Variants in GBP2 observed in about 807,000 individuals in gnomAD.
The protein encoded by GBP2 is guanylate binding protein 2, also known as guanylate-binding protein 2.
GBP2 carries 54 observed loss-of-function variants against 60.8 expected under a neutral mutation model. The observed-to-expected ratio is 0.89, with a 90% confidence interval of 0.71 to 1.11. GBP2 has a LOEUF of 1.11. GBP2 is among the 50% of genes most tolerant of loss of function. The probability of loss-of-function intolerance (pLI) is 0.00; values close to 1 mark genes in which losing one functional copy is unlikely to be tolerated. For missense variants in GBP2, 665 were observed against 703.3 expected (o/e 0.95, Z 0.62); for synonymous variants, 243 against 256.5 (o/e 0.95, Z 0.50).
chr1:89,115,156 C>T (rs1355533857), intron 6 of GBP2, among the ~76,000 whole-genome samples: 2 of 152,148 alleles, frequency 1.3e-5, no homozygotes, highest in African/African-American at 2.4e-5. Flanking sequence ...TTGCTAAACT[C>T]GAAACGCTGG....
At chr1:89,115,609 T>TA (rs1319191772) in intron 6 of GBP2, among the ~76,000 whole-genome samples, 1 of 152,090 alleles carries the variant, frequency 6.6e-6, no homozygotes, top group Non-Finnish European at 1.5e-5. Flanking sequence ...TATTTTCGTT[T>TA]AAAAAATTGA....
Position 89,112,502 on chromosome 1 carries a change from C to T in GBP2, c.1332G>A (p.Lys444=), listed in dbSNP as rs1220978015. 6.2e-6 allele frequency: 10 copies of T among 1,614,080 alleles called. No individual in the cohort carries two copies. The highest frequency in any genetic ancestry group is 8.5e-6 in the Non-Finnish European group (10 of 1,180,024). ...TCCCCTTCCTTGGCACCTGGTAGTA[C>T]TTATTCTTCAGCTCCTGCAGCTTCT... ...FTQKLQELKN[K]YYQVPRKGIQ... The change falls in exon 8 of 11, where the codon AAG becomes AAA. Residue 444 remains lysine (K), a synonymous_variant. Transcript: ENST00000370466.
rs527264003 is a variant in GBP2, at chr1:89,120,834, C to T, written c.318+309G>A. ...TAAAAAGTCAGACATGTTTGTAAAA[C>T]GTCTACTGAAGTTTATAAGCACCTT... On this transcript the variant is annotated intron_variant, in intron 3 of 10. Coordinates refer to ENST00000370466, the MANE Select transcript of GBP2 (RefSeq NM_004120.5). Among the ~76,000 whole-genome samples, 7 of 152,238 alleles carry T rather than the reference C, an allele frequency of 4.6e-5. No homozygotes were observed. The East Asian group carries it at 9.6e-4, about 21-fold the overall frequency.
intron 1 of GBP2, 32 bp from the exon 2 acceptor site, chr1:89,122,015 G>A: frequency 6.6e-7 from 1 of 1,516,816 alleles, no homozygotes; most frequent in Non-Finnish European, 8.9e-7. Flanking sequence ...GAAATGGAAA[G>A]CAGTTTTTAG....
Position 89,108,228 on chromosome 1 carries a change from A to G in GBP2, c.1723T>C (p.Trp575Arg), listed in dbSNP as rs749907672. 6 of 1,613,454 alleles carry G rather than the reference A, an allele frequency of 3.7e-6. No individual in the cohort carries two copies. The highest frequency in any genetic ancestry group is 5.1e-6 in the Non-Finnish European group (6 of 1,179,754). Residue 575 changes from tryptophan to arginine, a missense_variant, in exon 11 of 11, where the codon TGG becomes CGG. Coordinates refer to ENST00000370466, the MANE Select transcript of GBP2 (RefSeq NM_004120.5). ...NESKRLQKDI[W>R]DIQMRSKSLE... ...GATTTGCTTCTCATCTGGATATCCC[A>G]TATGTCTTTTTGAAGTCTCTTGCTC...
chr1:89,108,366 AT>A (rs1303808452), intron 10 of GBP2, 75 bp from the exon 11 acceptor site: 1 of 849,550 alleles, frequency 1.2e-6, no homozygotes, highest in Non-Finnish European at 1.9e-6. Flanking sequence ...TTTGGTACTT[AT>A]ATTGATCCTT....
intron 1 of GBP2, among the ~76,000 whole-genome samples, chr1:89,124,926 G>A (rs1681490064): frequency 6.6e-6 from 1 of 152,168 alleles, no homozygotes; most frequent in South Asian, 2.1e-4. Flanking sequence ...GCCAGCATCA[G>A]GAAACATTCT....
At chr1:89,108,636 G>T (rs1423029542) in intron 10 of GBP2, among the ~76,000 whole-genome samples, 1 of 152,080 alleles carries the variant, frequency 6.6e-6, no homozygotes, top group Non-Finnish European at 1.5e-5. Flanking sequence ...ATATATCTAG[G>T]AAGGTATGAA....
rs1681125886 is a variant in GBP2, at chr1:89,109,743, CTCAG to C, written c.1589_1592del (p.Thr530ArgfsTer10). On this transcript the variant is annotated frameshift_variant, in exon 10 of 11. Coordinates refer to ENST00000370466, the MANE Select transcript of GBP2 (RefSeq NM_004120.5). LOFTEE classifies it high-confidence loss of function. ...ACTGGGCCCTGTCCCTCTCCATCTT[CTCAG>C]TCAATTGTTTCACATGTTCCTGATA... 6.2e-7 allele frequency: 1 copy of C among 1,614,046 alleles called. No individual in the cohort carries two copies. The highest frequency in any genetic ancestry group is 8.5e-7 in the Non-Finnish European group (1 of 1,180,010).
At chr1:89,124,387 ATT>A (rs1158979739) in intron 1 of GBP2, among the ~76,000 whole-genome samples, 5 of 151,958 alleles carry the variant, frequency 3.3e-5, no homozygotes, top group African/African-American at 4.8e-5. Flanking sequence ...CAGAAAATGG[ATT>A]TTTTTTCTAG....
intron 1 of GBP2, among the ~76,000 whole-genome samples, chr1:89,125,199 C>A (rs1302169886): frequency 6.6e-6 from 1 of 152,156 alleles, no homozygotes; most frequent in Non-Finnish European, 1.5e-5. Context: ...TACAGCTTTC[C>A]TTCTTCTATA....
At chr1:89,108,341 C>T (rs752512581) in intron 10 of GBP2, 50 bp from the exon 11 acceptor site, 2 of 1,189,174 alleles carry the variant, frequency 1.7e-6, no homozygotes, top group Non-Finnish European at 2.5e-6. Context: ...ACATTTCCAC[C>T]AGATTAGTTC....
At chr1:89,108,381 G>T (rs531065666) in intron 10 of GBP2, 90 bp from the exon 11 acceptor site, 2 of 742,020 alleles carry the variant, frequency 2.7e-6, no homozygotes, top group East Asian at 2.7e-5. Context: ...GATCCTTCAA[G>T]AATTTTTGAC....
intron 3 of GBP2, 109 bp from the exon 4 acceptor site, chr1:89,120,397 AAACTTAGGT>A: frequency 1.2e-6 from 1 of 857,368 alleles, no homozygotes. Context: ...TTAGTTCTGA[AAACTTAGGT>A]AACTCACTTC....
At position 89,106,838 on chromosome 1, in the gene GBP2, G is replaced by C. The variant is rs1006142131; in HGVS notation, c.*1337C>G. On this transcript the variant is annotated 3_prime_UTR_variant, in exon 11 of 11. Transcript: ENST00000370466. Reference sequence around the variant, plus strand: ...AAGATGCAACTTTTCATGGGGTAGGGGAGTATTTGTTTACTGAAAATGTGA... The same window carrying C: ...AAGATGCAACTTTTCATGGGGTAGGCGAGTATTTGTTTACTGAAAATGTGA... 1 of 152,164 alleles carries C rather than the reference G, an allele frequency of 6.6e-6. No individual in the cohort carries two copies. Among genetic ancestry groups the C allele is most frequent in the East Asian group, 1.9e-4 (1 of 5,196 alleles). 9.4% of individuals were successfully genotyped at this position (152,164 alleles called of 1,614,324 possible).
rs1681515526 is a variant in GBP2, at chr1:89,126,058, G to C, written c.-213C>G. On this transcript the variant is annotated 5_prime_UTR_variant, in exon 1 of 11. Coordinates refer to ENST00000370466, the MANE Select transcript of GBP2 (RefSeq NM_004120.5). ...CAACGTCCAGGCTCTGTCAATGTCA[G>C]AGACCTGACGAGAGACAAGAAAAAG... 6.6e-6 allele frequency: 1 copy of C among 152,166 alleles called. No individual in the cohort carries two copies. The highest frequency in any genetic ancestry group is 2.4e-5 in the African/African-American group (1 of 41,428). 9.4% of individuals were successfully genotyped at this position (152,166 alleles called of 1,614,324 possible).
intron 1 of GBP2, among the ~76,000 whole-genome samples, chr1:89,124,651 G>A (rs1681480181): frequency 6.6e-6 from 1 of 152,180 alleles, no homozygotes; most frequent in Admixed American, 6.5e-5. Flanking sequence ...TGGGACTCAG[G>A]TTACCCAGTG....
Position 89,117,552 on chromosome 1 carries a change from C to T in GBP2, c.625+25G>A, listed in dbSNP as rs369852231. On this transcript the variant is annotated intron_variant, in intron 5 of 10. Coordinates refer to ENST00000370466, the MANE Select transcript of GBP2 (RefSeq NM_004120.5). ...ATATTATTTGCTCTCTATTTATTAC[C>T]CAACCAAGCATCAGACCCAGTAACC... The T allele has an allele frequency of 5.7e-6, 9 of 1,580,472 alleles. No individual in the cohort carries two copies. In the East Asian group the frequency reaches 8.9e-5, roughly 16 times the overall value.
chr1:89,115,348 C>T (rs890532005), intron 6 of GBP2, among the ~76,000 whole-genome samples: 3 of 152,136 alleles, frequency 2.0e-5, no homozygotes, highest in Non-Finnish European at 2.9e-5. Context: ...TAGCATCCAT[C>T]CTCTCATTCC....
Sources: allele counts gnomAD v4.1 joint callset (sites outside exome capture counted in the v4.1 genomes callset), GRCh38; gene constraint gnomAD v4.1.1; transcripts MANE v1.5; gene names NCBI Gene and HGNC (gene_info 2026-07-23, HGNC 2026-07-21).